Variants in KIRREL3 observed in about 807,000 individuals in gnomAD.
The protein encoded by KIRREL3 is kin of IRRE-like protein 3.
Under a neutral mutation model 89.7 loss-of-function variants are expected in KIRREL3, and 36 were observed. The ratio of observed to expected loss-of-function variants is 0.40; its 90% CI spans 0.31 to 0.53. The LOEUF (loss-of-function observed/expected upper bound fraction) is 0.53. Ranked by LOEUF, KIRREL3 falls within the 20% of genes least tolerant of loss-of-function variation. The pLI is 0.49. For missense variants in KIRREL3, 864 were observed against 1,056.6 expected, an observed-to-expected ratio of 0.82 and a Z score of 2.53; for synonymous variants, 445 against 441.4, an observed-to-expected ratio of 1.01 and a Z score of -0.10.
At chr11:126,584,767 A>ACTAC (rs1466429100) in intron 1 of KIRREL3, among the ~76,000 whole-genome samples, 1 of 152,160 alleles carries the variant, frequency 6.6e-6, no homozygotes, top group African/African-American at 2.4e-5. Context: ...GCCAGATGCC[A>ACTAC]CTACCACACA....
At position 126,978,326 on chromosome 11, in the gene KIRREL3, C is replaced by A. The variant is rs1057261153; in HGVS notation, c.55+22129G>T. On this transcript the variant is annotated intron_variant, in intron 1 of 16. Transcript: ENST00000525144. This position sits in a 1 kb window ranked among gnomAD's most constrained non-coding sequence, Gnocchi z 4.2. ...TGTGGTGGGCGTGTTCTTCACCTTC[C>A]CTTCAAACTTTAGCCAATTAGGTTT... is the stretch of plus-strand genomic sequence containing the variant. 1.3e-5 allele frequency among the ~76,000 whole-genome samples: 2 copies of A among 152,154 alleles called. No homozygotes were observed. The highest frequency in any genetic ancestry group is 2.9e-5 in the Non-Finnish European group (2 of 68,032).
rs1211068536 is a variant in KIRREL3 at position 126,782,517 on chromosome 11, AC to A, written c.55+217937del. Among the ~76,000 whole-genome samples the A allele has an allele frequency of 6.6e-6, 1 of 152,210 alleles. No individual in the cohort carries two copies. The highest frequency in any genetic ancestry group is 1.5e-5 in the Non-Finnish European group (1 of 68,042). On this transcript the variant is annotated intron_variant, in intron 1 of 16. Coordinates refer to ENST00000525144, the MANE Select transcript of KIRREL3 (RefSeq NM_032531.4). The surrounding 1 kb of genome is among the most constrained non-coding windows in gnomAD (Gnocchi z 4.1). ...AGGGGTGCCACTAGCTGATTTAGCG[AC>A]TTTTGTATTAATTCAGAAAAGAAAT...
In KIRREL3 at chr11:126,558,600, A is replaced by G. The variant is rs1299622799; in HGVS notation, c.133+4235T>C. Among the ~76,000 whole-genome samples the G allele has an allele frequency of 2.0e-5, 3 of 152,136 alleles. No individual in the cohort carries two copies. Among genetic ancestry groups the G allele is most frequent in the Admixed American group, 6.5e-5 (1 of 15,268 alleles). ...TGCTGTGTTATTGGGTTGCACTGTA[A>G]TCTCTAGAGTTGTTGACAGGTCTAA... On this transcript the variant is annotated intron_variant, in intron 2 of 16. Coordinates refer to ENST00000525144, the MANE Select transcript of KIRREL3 (RefSeq NM_032531.4). This position sits in a 1 kb window ranked among gnomAD's most constrained non-coding sequence, Gnocchi z 4.0.
At position 126,634,578 on chromosome 11, in the gene KIRREL3, G is replaced by A. The variant is rs553513475; in HGVS notation, c.56-71666C>T. Among the ~76,000 whole-genome samples the A allele has an allele frequency of 4.6e-5, 7 of 152,248 alleles. No individual in the cohort carries two copies. The East Asian group carries it at 5.8e-4, about 13-fold the overall frequency. ...AGAGGCTTGCGGGGAGCTTTGCAGG[G>A]GAAATGAAGCTTGACTCTTGGGTCC... On this transcript the variant is annotated intron_variant, in intron 1 of 16. Coordinates refer to ENST00000525144, the MANE Select transcript of KIRREL3 (RefSeq NM_032531.4).
chr11:126,654,018 C>T (rs1175835241), intron 1 of KIRREL3, among the ~76,000 whole-genome samples: 1 of 152,202 alleles, frequency 6.6e-6, no homozygotes, highest in Non-Finnish European at 1.5e-5. Flanking sequence ...GGCCACAGCC[C>T]TCGATTCTAG....
intron 1 of KIRREL3, among the ~76,000 whole-genome samples, chr11:126,973,441 T>C (rs1034861448): frequency 6.6e-6 from 1 of 152,144 alleles, no homozygotes; most frequent in Non-Finnish European, 1.5e-5. Context: ...TACTTGGAAG[T>C]GATGAAGAGT....
At chr11:126,743,135 T>C (rs1387837233) in intron 1 of KIRREL3, among the ~76,000 whole-genome samples, 1 of 152,150 alleles carries the variant, frequency 6.6e-6, no homozygotes, top group Non-Finnish European at 1.5e-5. Flanking sequence ...TACAGCTAGG[T>C]TGAAATTAGA....
At chr11:126,792,043 T>C (rs562226970) in intron 1 of KIRREL3, among the ~76,000 whole-genome samples, 4 of 152,236 alleles carry the variant, frequency 2.6e-5, no homozygotes, top group African/African-American at 7.2e-5. Context: ...AGCCTCCCTT[T>C]TGGGGGAGAC....
Position 126,994,763 on chromosome 11 carries a change from A to G in KIRREL3, c.55+5692T>C, listed in dbSNP as rs71477953. On this transcript the variant is annotated intron_variant, in intron 1 of 16. Transcript: ENST00000525144. This position sits in a 1 kb window ranked among gnomAD's most constrained non-coding sequence, Gnocchi z 5.2. ...GGTTCAATGGGGGAGAAGATCCCCC[A>G]CCCTCTTGTGACCCTTGGCTCTATG... Among the ~76,000 whole-genome samples, 3 of 152,226 alleles carry G rather than the reference A, an allele frequency of 2.0e-5. No homozygotes were observed. In the South Asian group the frequency reaches 6.2e-4, roughly 32 times the overall value.
At chr11:126,446,938 A>T in intron 8 of KIRREL3, 52 bp from the exon 9 acceptor site, 1 of 1,579,330 alleles carries the variant, frequency 6.3e-7, no homozygotes. Flanking sequence ...GAGCTCTGGG[A>T]TCCTCCTTGC....
rs890197848 is a variant in KIRREL3, at chr11:126,976,354, T to C, written c.55+24101A>G. ...TTGCTTTTAGCAAGCCAAAGGTTGC[T>C]TCCAGGGACCACAGATTATTTTCTG... is the stretch of plus-strand genomic sequence containing the variant. On this transcript the variant is annotated intron_variant, in intron 1 of 16. Coordinates refer to ENST00000525144, the MANE Select transcript of KIRREL3 (RefSeq NM_032531.4). The surrounding 1 kb of genome is among the most constrained non-coding windows in gnomAD (Gnocchi z 4.2). Among the ~76,000 whole-genome samples, 35 of 152,202 alleles carry C rather than the reference T, an allele frequency of 2.3e-4. No individual in the cohort carries two copies. Among genetic ancestry groups the C allele is most frequent in the Non-Finnish European group, 5.9e-5 (4 of 68,030 alleles).
At chr11:126,644,669 A>G (rs943685342) in intron 1 of KIRREL3, among the ~76,000 whole-genome samples, 5 of 152,208 alleles carry the variant, frequency 3.3e-5, no homozygotes, top group African/African-American at 1.2e-4. Context: ...AAGAGATGGT[A>G]CAGTGGATGG....
intron 1 of KIRREL3, among the ~76,000 whole-genome samples, chr11:126,665,154 T>C (rs1382145200): frequency 1.3e-5 from 2 of 152,118 alleles, no homozygotes; most frequent in Non-Finnish European, 2.9e-5. Context: ...CTGTTACTGA[T>C]GAAACAGTCC....
chr11:126,700,620 T>C (rs1202102088), intron 1 of KIRREL3, among the ~76,000 whole-genome samples: 1 of 152,234 alleles, frequency 6.6e-6, no homozygotes, highest in Non-Finnish European at 1.5e-5. Flanking sequence ...CCTCCTAGCC[T>C]TTCTGGCGGA....
In KIRREL3 at chr11:126,759,784, A is replaced by G. The variant is rs184976648; in HGVS notation, c.56-196872T>C. Among the ~76,000 whole-genome samples the G allele has an allele frequency of 2.8e-4, 42 of 152,358 alleles. No homozygotes were observed. In the East Asian group the frequency reaches 7.9e-3, roughly 29 times the overall value. ...ACAATAATGAAATTTACTTTCCTAC[A>G]GTTATAAATATAGTCTCTCAAAGTG... On this transcript the variant is annotated intron_variant, in intron 1 of 16. Coordinates refer to ENST00000525144, the MANE Select transcript of KIRREL3 (RefSeq NM_032531.4).
intron 1 of KIRREL3, among the ~76,000 whole-genome samples, chr11:126,950,393 AC>A (rs376578437): frequency 5.5e-4 from 84 of 151,826 alleles, no homozygotes; most frequent in African/African-American, 1.6e-3. Context: ...AAACAAACAA[AC>A]AAACAAAACC....
In KIRREL3 at chr11:126,994,736, G is replaced by A. The variant is rs1950128696; in HGVS notation, c.55+5719C>T. On this transcript the variant is annotated intron_variant, in intron 1 of 16. Transcript: ENST00000525144. This position sits in a 1 kb window ranked among gnomAD's most constrained non-coding sequence, Gnocchi z 5.2. ...AATGAAAGTTAACGTGCAGTAGGGG[G>A]AGGTTCAATGGGGGAGAAGATCCCC... Among the ~76,000 whole-genome samples the A allele has an allele frequency of 1.3e-5, 2 of 152,178 alleles. No homozygotes were observed. Among genetic ancestry groups the A allele is most frequent in the African/African-American group, 4.8e-5 (2 of 41,438 alleles).
At position 126,555,606 on chromosome 11, in the gene KIRREL3, T is replaced by C. The variant is rs1413029839; in HGVS notation, c.133+7229A>G. Among the ~76,000 whole-genome samples the C allele has an allele frequency of 6.6e-6, 1 of 152,138 alleles. No individual in the cohort carries two copies. The highest frequency in any genetic ancestry group is 1.5e-5 in the Non-Finnish European group (1 of 68,034). ...GGGAGCAGGGTAGACACAGGCCCTA[T>C]GACAGGGGCCCTGCTTGAGGAGCAG... On this transcript the variant is annotated intron_variant, in intron 2 of 16. Coordinates refer to ENST00000525144, the MANE Select transcript of KIRREL3 (RefSeq NM_032531.4). This position sits in a 1 kb window ranked among gnomAD's most constrained non-coding sequence, Gnocchi z 4.2.
intron 1 of KIRREL3, among the ~76,000 whole-genome samples, chr11:126,919,410 C>T (rs1022654248): frequency 3.3e-5 from 5 of 152,210 alleles, no homozygotes; most frequent in African/African-American, 1.2e-4. Flanking sequence ...AAGCCAAGGG[C>T]AAGTTTACGG....
Sources: allele counts gnomAD v4.1 joint callset (sites outside exome capture counted in the v4.1 genomes callset), GRCh38; gene constraint gnomAD v4.1.1; non-coding constraint Gnocchi (gnomAD v3.1); transcripts MANE v1.5; gene names NCBI Gene and HGNC (gene_info 2026-07-23, HGNC 2026-07-21).